The following LRRC74B variants were observed in gnomAD, a reference collection of about 807,000 sequenced individuals.
LRRC74B encodes the protein leucine rich repeat containing 74B.
Under a neutral mutation model 16.6 loss-of-function variants are expected in LRRC74B, and 30 were observed. The ratio of observed to expected loss-of-function variants is 1.80; its 90% CI spans 1.35 to 2.45. The LOEUF (loss-of-function observed/expected upper bound fraction) is 2.45. Ranked by LOEUF, LRRC74B falls within the 30% of genes most tolerant of loss-of-function variation. The pLI is 0.00. For missense variants in LRRC74B, 326 were observed against 202.4 expected, an observed-to-expected ratio of 1.61 and a Z score of -3.71; for synonymous variants, 134 against 86.0, an observed-to-expected ratio of 1.56 and a Z score of -3.09.
At chr22:21,047,490 G>T (rs1251880413) in exon 2 of LRRC74B, 1 of 717,332 alleles carries the variant, frequency 1.4e-6, no homozygotes, top group Non-Finnish European at 2.6e-6. Context: ...CCGTGGCCTG[G>T]GGCCCCAGGT....
At chr22:21,049,612 G>A (rs1232794370) in intron 4 of LRRC74B, among the ~76,000 whole-genome samples, 3 of 151,592 alleles carry the variant, frequency 2.0e-5, no homozygotes, top group East Asian at 2.0e-4. Context: ...CAAGATCAGA[G>A]GGAGAGCATT....
intron 6 of LRRC74B, among the ~76,000 whole-genome samples, chr22:21,054,644 C>T (rs1244542649): frequency 2.6e-5 from 4 of 152,230 alleles, no homozygotes; most frequent in Non-Finnish European, 5.9e-5. Flanking sequence ...GCAGCCAGAG[C>T]TGGGGTCTGA....
At chr22:21,053,452 C>A (rs889466497) in exon 6 of LRRC74B, 1 of 717,246 alleles carries the variant, frequency 1.4e-6, no homozygotes, top group Admixed American at 2.0e-5. Context: ...AGGCCAACAA[C>A]GTGTTGGAGG....
chr22:21,045,980 C>G (rs1156296836), upstream of LRRC74B: 1 of 717,328 alleles, frequency 1.4e-6, no homozygotes, highest in Non-Finnish European at 2.6e-6. Context: ...GCGAGAGGGT[C>G]GTAACCATGA....
chr22:21,062,464 C>T (rs1930852277), downstream of LRRC74B: 1 of 152,132 alleles, frequency 6.6e-6, no homozygotes, highest in Admixed American at 6.5e-5. Context: ...CCCATAATCC[C>T]AGCACTTTGG....
chr22:21,046,087 G>A (rs1929396493), exon 1 of LRRC74B: 1 of 717,378 alleles, frequency 1.4e-6, no homozygotes, highest in African/African-American at 1.7e-5. Flanking sequence ...GCCGAGCAGG[G>A]TCCCGAGGCC....
At chr22:21,052,106 C>G in intron 4 of LRRC74B, 143 bp from the exon 5 acceptor site, 1 of 636,906 alleles carries the variant, frequency 1.6e-6, no homozygotes, top group Non-Finnish European at 2.9e-6. Flanking sequence ...AATGTGAGTT[C>G]CTTAAGGGCA....
rs758044326 is a variant in LRRC74B at position 21,055,115 on chromosome 22, C to T, written c.866C>T (p.Ala289Val). 35 of 717,214 alleles carry T rather than the reference C, an allele frequency of 4.9e-5. 1 individual carries two copies. Among genetic ancestry groups the T allele is most frequent in the South Asian group, 3.7e-4 (25 of 67,604 alleles). 44.4% of individuals were successfully genotyped at this position (717,214 alleles called of 1,614,324 possible). ...TGTTGCAGTAACAACCGCATCTCTG[C>T]GATGGGAGCCCTGAGCCTGGGCCTG... Residue 289 changes from alanine (A) to valine (V), a missense_variant, in exon 7 of 9, where the codon GCG (alanine) becomes GTG (valine). Coordinates refer to ENST00000442047, the Ensembl canonical transcript of LRRC74B.
intron 6 of LRRC74B, among the ~76,000 whole-genome samples, chr22:21,054,874 G>C (rs1255135412): frequency 6.6e-6 from 1 of 152,228 alleles, no homozygotes; most frequent in Non-Finnish European, 1.5e-5. Flanking sequence ...GTGTCCACCA[G>C]GACAGGGACG....
chr22:21,048,345 T>C (rs146322005), intron 3 of LRRC74B: 276 of 321,280 alleles, frequency 8.6e-4, no homozygotes, highest in African/African-American at 5.3e-3. Flanking sequence ...GAGGTGGGAG[T>C]TGGGCATTGT....
At chr22:21,049,987 G>A (rs1929869767) in intron 4 of LRRC74B, among the ~76,000 whole-genome samples, 1 of 152,170 alleles carries the variant, frequency 6.6e-6, no homozygotes, top group Non-Finnish European at 1.5e-5. Flanking sequence ...AAACTCTTAG[G>A]GGAATGCTGG....
chr22:21,054,386 G>A, intron 6 of LRRC74B, among the ~76,000 whole-genome samples: 1 of 152,242 alleles, frequency 6.6e-6, no homozygotes. Flanking sequence ...CATGCCCTGT[G>A]TGAGGGGCTC....
rs1416698630 is a variant in LRRC74B at position 21,050,032 on chromosome 22, C to A, written c.622+875C>A. ...ATTTTAATGGTTGCCCCAGGAGAAT[C>A]GTCTTTTTATTTTTTATTTTTTGAG... On this transcript the variant is annotated intron_variant, in intron 4 of 8. Transcript: ENST00000442047. 3.9e-5 allele frequency among the ~76,000 whole-genome samples: 6 copies of A among 151,928 alleles called. No individual in the cohort carries two copies. In the East Asian group the frequency reaches 1.2e-3, roughly 29 times the overall value.
intron 1 of LRRC74B, 87 bp from the exon 2 acceptor site, chr22:21,047,269 A>G (rs1321009945): frequency 1.5e-6 from 1 of 646,418 alleles, no homozygotes; most frequent in East Asian, 2.7e-5. Context: ...GAGGCAAAAC[A>G]TAGGCCAGGT....
downstream of LRRC74B, chr22:21,062,672 C>G (rs184834679): frequency 2.2e-5 from 3 of 133,888 alleles, no homozygotes; most frequent in African/African-American, 8.5e-5. Flanking sequence ...AAGCTCACTT[C>G]ACTGCACTCC....
intron 5 of LRRC74B, among the ~76,000 whole-genome samples, chr22:21,052,796 G>A (rs1447228897): frequency 2.6e-5 from 4 of 152,194 alleles, no homozygotes; most frequent in Non-Finnish European, 5.9e-5. Flanking sequence ...TGGTGCTAGG[G>A]TGGTACAAGG....
chr22:21,048,881 G>A, intron 3 of LRRC74B, 70 bp from the exon 4 acceptor site: 6 of 692,104 alleles, frequency 8.7e-6, no homozygotes, highest in Middle Eastern at 6.8e-4. Context: ...CTGGAGGTTT[G>A]GGGGATGGCA....
intron 6 of LRRC74B, chr22:21,053,986 G>A (rs1353983278): frequency 1.3e-5 from 2 of 152,418 alleles, no homozygotes; most frequent in East Asian, 3.9e-4. Context: ...CTCCGGCAGA[G>A]CCTGGTGCAT....
At chr22:21,061,134 C>T (rs1338044103), downstream of LRRC74B, among the ~76,000 whole-genome samples, 1 of 152,124 alleles carries the variant, frequency 6.6e-6, no homozygotes, top group East Asian at 1.9e-4. Flanking sequence ...TTGAGACCAG[C>T]TTGACAAACA....
Sources: gnomAD v4.1 joint callset for allele counts (sites outside exome capture counted in the v4.1 genomes callset) on GRCh38, gnomAD v4.1.1 for gene constraint, MANE v1.5 for transcripts, NCBI Gene and HGNC (gene_info 2026-07-23, HGNC 2026-07-21) for gene names.